The following RAPGEF4 variants were observed in gnomAD, a reference collection of about 807,000 sequenced individuals.
RAPGEF4 encodes RAP guanine-nucleotide-exchange factor (GEF) 4.
RAPGEF4 carries 66 observed loss-of-function variants against 147.9 expected under a neutral mutation model. The ratio of observed to expected loss-of-function variants is 0.45; its 90% CI spans 0.37 to 0.55. The LOEUF is 0.55. Ranked by LOEUF, RAPGEF4 falls within the 20% of genes least tolerant of loss-of-function variation. The pLI, the probability that RAPGEF4 is intolerant of heterozygous loss-of-function variation, is 0.00. For missense variants in RAPGEF4, 1,071 were observed against 1,257.3 expected, an observed-to-expected ratio of 0.85 and a Z score of 2.24; for synonymous variants, 419 against 442.7, an observed-to-expected ratio of 0.95 and a Z score of 0.67.
chr2:172,955,391 T>C (rs1323010089), intron 6 of RAPGEF4, among the ~76,000 whole-genome samples: 3 of 152,102 alleles, frequency 2.0e-5, no homozygotes, highest in Non-Finnish European at 4.4e-5. Context: ...AGAAAGAGCA[T>C]CCCCTTTCCA....
intron 6 of RAPGEF4, among the ~76,000 whole-genome samples, chr2:172,956,827 T>C (rs1167165275): frequency 6.6e-6 from 1 of 152,252 alleles, no homozygotes; most frequent in Non-Finnish European, 1.5e-5. Context: ...GGTGCTCATA[T>C]GTAATCTCAG....
At chr2:172,751,865 T>G (rs1418463294) in intron 1 of RAPGEF4, among the ~76,000 whole-genome samples, 1 of 152,208 alleles carries the variant, frequency 6.6e-6, no homozygotes, top group Non-Finnish European at 1.5e-5. Context: ...ACTAACTGCT[T>G]TTGTTGATGT....
intron 1 of RAPGEF4, among the ~76,000 whole-genome samples, chr2:172,764,794 C>T (rs552804765): frequency 6.6e-6 from 1 of 152,236 alleles, no homozygotes. Flanking sequence ...TTTGTCTGTC[C>T]AGAGTGCTTT....
Position 172,898,665 on chromosome 2 carries a change from G to T in RAPGEF4, c.445-19137G>T, listed in dbSNP as rs543352876. Among the ~76,000 whole-genome samples the T allele has an allele frequency of 4.6e-5, 7 of 152,294 alleles. No individual in the cohort carries two copies. The South Asian group carries it at 6.2e-4, about 14-fold the overall frequency. ...CAAGAATGTCCTGGAGGGACAGGTG[G>T]GTAGGGAGGTTCAGGAGAGATTCCC... On this transcript the variant is annotated intron_variant, in intron 4 of 30. Transcript: ENST00000397081.
At position 172,925,777 on chromosome 2, in the gene RAPGEF4, A is replaced by AAAAGAGAGAG. The variant is rs1486298673; in HGVS notation, c.537+3478_537+3479insAAGAGAGAGA. Among the ~76,000 whole-genome samples, 7 of 133,894 alleles carry AAAAGAGAGAG rather than the reference A, an allele frequency of 5.2e-5. No homozygotes were observed. The South Asian group carries it at 1.6e-3, about 30-fold the overall frequency. The allele number at this position is 133,894 out of a possible 152,430, so 87.8% of individuals were successfully genotyped here. ...AAAGAGAGAAAGGAAGAAAGAAAGA[A>AAAAGAGAGAG]AGAGAGAGAGAGAGAGAGAGAAAGA... On this transcript the variant is annotated intron_variant, in intron 6 of 30. Transcript: ENST00000397081.
At chr2:173,050,756 A>AG in intron 30 of RAPGEF4, among the ~76,000 whole-genome samples, 2 of 126,164 alleles carry the variant, frequency 1.6e-5, no homozygotes, top group East Asian at 5.6e-4. Context: ...CCATTTCTTA[A>AG]CAAAAAAAAA....
chr2:172,871,537 G>A (rs1695234601), intron 4 of RAPGEF4, among the ~76,000 whole-genome samples: 1 of 151,910 alleles, frequency 6.6e-6, no homozygotes, highest in Admixed American at 6.6e-5. Flanking sequence ...CTCTTTGCCA[G>A]GGCCTTCAGT....
rs1694230922 is a variant in RAPGEF4, at chr2:173,004,267, C to T, written c.1658+2923C>T. Among the ~76,000 whole-genome samples, 3 of 152,154 alleles carry T rather than the reference C, an allele frequency of 2.0e-5. No homozygotes were observed. In the South Asian group the frequency reaches 6.2e-4, roughly 32 times the overall value. ...AGAGAGACTCTCTATTCATTAGACACAGTTTGGACATGATTTGACCCGATG... is the reference window on the plus strand; with the variant it reads ...AGAGAGACTCTCTATTCATTAGACATAGTTTGGACATGATTTGACCCGATG... On this transcript the variant is annotated intron_variant, in intron 17 of 30. Transcript: ENST00000397081.
chr2:173,024,841 A>G (rs1696506013), intron 23 of RAPGEF4, among the ~76,000 whole-genome samples: 1 of 152,210 alleles, frequency 6.6e-6, no homozygotes, highest in Non-Finnish European at 1.5e-5. Context: ...AACTGTTCAC[A>G]CTGTCCATGG....
At chr2:173,035,347 A>G (rs1683835434) in intron 27 of RAPGEF4, among the ~76,000 whole-genome samples, 2 of 151,900 alleles carry the variant, frequency 1.3e-5, no homozygotes, top group African/African-American at 4.8e-5. Flanking sequence ...TCTCTACTAA[A>G]AAAATACAAA....
rs763700735 is a variant in RAPGEF4, at chr2:172,967,383, A to T, written c.943A>T (p.Thr315Ser). The change falls in exon 10 of 31, where the codon ACC becomes TCC. Residue 315 changes from threonine to serine, a missense_variant. Transcript: ENST00000397081. ...GGAGTGTGATGAGGAGCTCCAGGACACCATGCTGCTGCTGTCACAGATGGG... is the reference window on the plus strand; with the variant it reads ...GGAGTGTGATGAGGAGCTCCAGGACTCCATGCTGCTGCTGTCACAGATGGG... ...KKECDEELQD[T>S]MLLLSQMGPD... is the part of the protein sequence containing the mutation. 2 of 1,612,000 alleles carry T rather than the reference A, an allele frequency of 1.2e-6. No individual in the cohort carries two copies. The highest frequency in any genetic ancestry group is 3.3e-5 in the Admixed American group (2 of 60,022).
chr2:172,860,597 G>A (rs1032917172), intron 4 of RAPGEF4, among the ~76,000 whole-genome samples: 7 of 146,178 alleles, frequency 4.8e-5, no homozygotes, highest in Non-Finnish European at 1.0e-4. Flanking sequence ...TTTGTTTTAC[G>A]GGGAAGTGAA....
chr2:172,902,425 C>A (rs2149965512), intron 4 of RAPGEF4, among the ~76,000 whole-genome samples: 1 of 152,238 alleles, frequency 6.6e-6, no homozygotes, highest in Non-Finnish European at 1.5e-5. Flanking sequence ...ACCTCAGCCT[C>A]CTGAGTAGCT....
At chr2:172,808,632 A>G (rs1049907010) in intron 3 of RAPGEF4, among the ~76,000 whole-genome samples, 2 of 152,258 alleles carry the variant, frequency 1.3e-5, no homozygotes, top group East Asian at 1.9e-4. Context: ...GCCAGAAACT[A>G]TACAGCACTA....
rs1696264261 is a variant in RAPGEF4 at position 172,878,811 on chromosome 2, T to C, written c.445-38991T>C. 3.9e-5 allele frequency among the ~76,000 whole-genome samples: 6 copies of C among 152,222 alleles called. No individual in the cohort carries two copies. The South Asian group carries it at 8.3e-4, about 21-fold the overall frequency. Reference sequence around the variant, plus strand: ...TATTTCTTCTTTTGGTCGATAATTATGTAAATATCACTAGTAGTCATAAAG... The same window carrying C: ...TATTTCTTCTTTTGGTCGATAATTACGTAAATATCACTAGTAGTCATAAAG... On this transcript the variant is annotated intron_variant, in intron 4 of 30. Transcript: ENST00000397081.
intron 1 of RAPGEF4, among the ~76,000 whole-genome samples, chr2:172,759,448 G>C (rs1696087334): frequency 6.6e-6 from 1 of 152,092 alleles, no homozygotes; most frequent in Non-Finnish European, 1.5e-5. Context: ...ATGAAATTAG[G>C]GTGTTATTTC....
intron 4 of RAPGEF4, among the ~76,000 whole-genome samples, chr2:172,817,091 C>G (rs1442991233): frequency 1.3e-5 from 2 of 152,100 alleles, no homozygotes; most frequent in African/African-American, 4.8e-5. Flanking sequence ...TGTTTATTGT[C>G]TATTCATTTA....
At chr2:173,037,859 G>A (rs1187365095) in intron 29 of RAPGEF4, among the ~76,000 whole-genome samples, 1 of 152,132 alleles carries the variant, frequency 6.6e-6, no homozygotes, top group Admixed American at 6.5e-5. Context: ...GATTATGTAA[G>A]CCATAAAGTG....
chr2:172,934,103 G>A (rs1401824613), intron 6 of RAPGEF4, among the ~76,000 whole-genome samples: 2 of 147,894 alleles, frequency 1.4e-5, no homozygotes, highest in East Asian at 2.0e-4. Flanking sequence ...AAGGAGTGAG[G>A]TAATTTTGTA....
Sources: gnomAD v4.1 joint callset for allele counts (sites outside exome capture counted in the v4.1 genomes callset) on GRCh38, gnomAD v4.1.1 for gene constraint, MANE v1.5 for transcripts, NCBI Gene and HGNC (gene_info 2026-07-23, HGNC 2026-07-21) for gene names.